Variants in RASEF observed in about 807,000 individuals in gnomAD.
RASEF encodes ras and EF-hand domain-containing protein.
A neutral mutation model predicts 90.1 loss-of-function variants in RASEF; 68 were observed. The ratio of observed to expected loss-of-function variants is 0.75; its 90% CI spans 0.62 to 0.92. The LOEUF (loss-of-function observed/expected upper bound fraction) is 0.92, where lower values mean the gene tolerates loss of function less well. RASEF is among the 40% of genes least tolerant of loss of function. The probability of loss-of-function intolerance (pLI) is 0.00; values close to 1 mark genes in which losing one functional copy is unlikely to be tolerated. For synonymous variants in RASEF, 331 were observed against 345.2 expected, an observed-to-expected ratio of 0.96 and a Z score of 0.46; for missense variants, 949 against 937.2, an observed-to-expected ratio of 1.01 and a Z score of -0.16.
At position 82,990,428 on chromosome 9, in the gene RASEF, C is replaced by T; in HGVS notation, c.2080G>A (p.Gly694Ser). 1 of 1,613,832 alleles carries T rather than the reference C, an allele frequency of 6.2e-7. No individual in the cohort carries two copies. Among genetic ancestry groups the T allele is most frequent in the Non-Finnish European group, 8.5e-7 (1 of 1,179,816 alleles). The stretch of plus-strand genomic sequence containing the variant: ...AGAACAGCCTCCACTATGTTAGAAC[C>T]ATCTTTGGCACTTGTTTCACAGAAT... ...ALFCETSAKDGSNIVEAVLHL... is the reference protein window; with the variant it reads ...ALFCETSAKDSSNIVEAVLHL... The change falls in exon 16 of 17, where the codon GGT (glycine) becomes AGT (serine). Residue 694 changes from glycine to serine, a missense_variant. Physicochemically the swap from Gly to Ser is moderately conservative, Grantham distance 56. Transcript: ENST00000376447.
chr9:82,985,311 G>A (rs1828690811), intron 16 of RASEF, among the ~76,000 whole-genome samples: 1 of 152,182 alleles, frequency 6.6e-6, no homozygotes. Flanking sequence ...CGAGAGAGAA[G>A]CAAAAGTGGA....
chr9:83,155,526 GC>G, the RASEF span, among the ~76,000 whole-genome samples: 5 of 151,976 alleles, frequency 3.3e-5, no homozygotes, highest in African/African-American at 9.7e-5. Context: ...GGGGGAAACC[GC>G]CCCCATGATT....
rs1828573658 is a variant in RASEF, at chr9:82,980,212, C to T, written c.*2465G>A. ...GGTGAATAACTTCCATAGTAATATGCAAATGTATCAAGTCTAAGATAAAAA... is the reference window on the plus strand; with the variant it reads ...GGTGAATAACTTCCATAGTAATATGTAAATGTATCAAGTCTAAGATAAAAA... On this transcript the variant is annotated 3_prime_UTR_variant, in exon 17 of 17. Transcript: ENST00000376447. The T allele has an allele frequency of 1.7e-5, 2 of 117,202 alleles. No homozygotes were observed. Among genetic ancestry groups the T allele is most frequent in the African/African-American group, 6.6e-5 (2 of 30,472 alleles). 7.3% of individuals were successfully genotyped at this position (117,202 alleles called of 1,614,324 possible).
At chr9:83,207,957 G>T in the RASEF span, among the ~76,000 whole-genome samples, 1 of 152,068 alleles carries the variant, frequency 6.6e-6, no homozygotes, top group Non-Finnish European at 1.5e-5. Context: ...CCGCCTCTTG[G>T]TACACTCCCC....
At chr9:83,091,999 A>ATTTCTTTTTTTTTTTTTTTTTTTTTT in the RASEF span, among the ~76,000 whole-genome samples, 2 of 17,240 alleles carry the variant, frequency 1.2e-4, no homozygotes, top group Non-Finnish European at 1.2e-4. Flanking sequence ...TTTTTCTTTT[A>ATTTCTTTTTTTTTTTTTTTTTTTTTT]TTTCTTTTTT....
At chr9:83,103,880 T>C in the RASEF span, among the ~76,000 whole-genome samples, 2 of 152,184 alleles carry the variant, frequency 1.3e-5, no homozygotes, top group Non-Finnish European at 2.9e-5. Context: ...GAATTCCTAA[T>C]GGTAAAACTA....
chr9:83,037,097 G>T (rs1829755429), intron 1 of RASEF, among the ~76,000 whole-genome samples: 1 of 152,142 alleles, frequency 6.6e-6, no homozygotes, highest in Non-Finnish European at 1.5e-5. Context: ...TCATGCAGCT[G>T]CAGAAGGCTT....
chr9:83,092,958 T>TC, the RASEF span, among the ~76,000 whole-genome samples: 1 of 152,090 alleles, frequency 6.6e-6, no homozygotes, highest in Non-Finnish European at 1.5e-5. Flanking sequence ...GGGTGCTGAT[T>TC]GGTGTGTTTA....
At chr9:83,170,624 G>T in the RASEF span, among the ~76,000 whole-genome samples, 1 of 151,626 alleles carries the variant, frequency 6.6e-6, no homozygotes. Flanking sequence ...TCATTATAGA[G>T]ATTTTTTATT....
the RASEF span, among the ~76,000 whole-genome samples, chr9:83,215,668 T>C: frequency 6.6e-6 from 1 of 152,190 alleles, no homozygotes; most frequent in African/African-American, 2.4e-5. Flanking sequence ...ATACAGTAAA[T>C]TGATACTGCA....
intron 1 of RASEF, among the ~76,000 whole-genome samples, chr9:83,061,315 G>A (rs1830196290): frequency 6.6e-6 from 1 of 152,190 alleles, no homozygotes; most frequent in Admixed American, 6.5e-5. Context: ...AAGTTGGGAG[G>A]AGAAGGAAGT....
chr9:83,211,634 GC>G, the RASEF span, among the ~76,000 whole-genome samples: 2 of 152,160 alleles, frequency 1.3e-5, no homozygotes, highest in Non-Finnish European at 2.9e-5. Flanking sequence ...TATGGTTTCA[GC>G]TTTTTACCCT....
chr9:83,107,756 T>C, the RASEF span, among the ~76,000 whole-genome samples: 1 of 152,180 alleles, frequency 6.6e-6, no homozygotes, highest in Non-Finnish European at 1.5e-5. Context: ...TAACTCCATG[T>C]AGTGGGAGGG....
At chr9:83,216,007 C>G in the RASEF span, among the ~76,000 whole-genome samples, 1 of 152,148 alleles carries the variant, frequency 6.6e-6, no homozygotes, top group Admixed American at 6.5e-5. Flanking sequence ...AGACTGGCAG[C>G]ATTTTGCCCC....
chr9:83,056,722 T>C (rs1306938401), intron 1 of RASEF, among the ~76,000 whole-genome samples: 2 of 152,242 alleles, frequency 1.3e-5, no homozygotes, highest in African/African-American at 4.8e-5. Context: ...GAGGAAAAGC[T>C]AGAGAAGAGT....
At chr9:83,062,321 C>G in intron 1 of RASEF, 116 bp downstream of exon 1, 1 of 943,686 alleles carries the variant, frequency 1.1e-6, no homozygotes, top group South Asian at 1.6e-5. Context: ...GGAAGACAAG[C>G]AACTCACAGA....
At chr9:82,999,913 T>G (rs777558165) in intron 12 of RASEF, among the ~76,000 whole-genome samples, 17 of 151,924 alleles carry the variant, frequency 1.1e-4, no homozygotes, top group Non-Finnish European at 2.4e-4. Context: ...CAGATATCTC[T>G]GTCATTTTAA....
the RASEF span, among the ~76,000 whole-genome samples, chr9:83,162,862 CCAGT>C: frequency 1.3e-5 from 2 of 152,188 alleles, no homozygotes; most frequent in Non-Finnish European, 2.9e-5. Flanking sequence ...TCCAGGGGAC[CCAGT>C]CAAAGGGGAG....
chr9:82,994,971 C>T (rs557431904), intron 14 of RASEF, among the ~76,000 whole-genome samples: 1 of 152,314 alleles, frequency 6.6e-6, no homozygotes, highest in South Asian at 2.1e-4. Flanking sequence ...GTAGGAGTTC[C>T]TCAAATTAGA....
Sources: allele counts gnomAD v4.1 joint callset (sites outside exome capture counted in the v4.1 genomes callset), GRCh38; gene constraint gnomAD v4.1.1; transcripts MANE v1.5; gene names NCBI Gene and HGNC (gene_info 2026-07-23, HGNC 2026-07-21).